FDX1: variants seen among roughly 807,000 people sequenced by gnomAD.
FDX1 encodes ferredoxin 1, also known as adrenodoxin, mitochondrial.
In FDX1, 9 loss-of-function variants were observed where a neutral mutation model predicts 14.9. The observed-to-expected ratio is 0.60, with a 90% confidence interval of 0.36 to 1.05. FDX1 has a LOEUF of 1.05. FDX1 is among the 50% of genes least tolerant of loss of function. The probability of loss-of-function intolerance (pLI) is 0.01; values close to 1 mark genes in which losing one functional copy is unlikely to be tolerated. For synonymous variants in FDX1, 92 were observed against 99.4 expected, an observed-to-expected ratio of 0.93 and a Z score of 0.44; for missense variants, 204 against 237.2, an observed-to-expected ratio of 0.86 and a Z score of 0.92.
Position 110,430,089 on chromosome 11 carries a change from G to A in FDX1, c.-32G>A. ...CTCTCGCGGCCTCAAAGCGCGGCCT[G>A]CGTCGCTTCCGGCAGTTCCCGACCG... On this transcript the variant is annotated 5_prime_UTR_variant, in exon 1 of 4. Transcript: ENST00000260270. The A allele has an allele frequency of 8.2e-7, 1 of 1,216,318 alleles. No homozygotes were observed. The highest frequency in any genetic ancestry group is 1.0e-6 in the Non-Finnish European group (1 of 977,828). 75.3% of individuals were successfully genotyped at this position (1,216,318 alleles called of 1,614,324 possible).
At chr11:110,447,862 A>G (rs1310995049) in intron 2 of FDX1, among the ~76,000 whole-genome samples, 7 of 152,142 alleles carry the variant, frequency 4.6e-5, no homozygotes, top group Non-Finnish European at 8.8e-5. Context: ...AGTATTTGTC[A>G]CAGTTTAGTA....
chr11:110,437,684 G>A (rs1473698276), intron 2 of FDX1, among the ~76,000 whole-genome samples: 3 of 152,186 alleles, frequency 2.0e-5, no homozygotes, highest in Non-Finnish European at 4.4e-5. Flanking sequence ...TACATGTGCA[G>A]GTTTGTTAAA....
chr11:110,434,946 G>A (rs545668442), intron 1 of FDX1, among the ~76,000 whole-genome samples: 1 of 151,774 alleles, frequency 6.6e-6, no homozygotes, highest in African/African-American at 2.4e-5. Context: ...GTAGCAATAG[G>A]GTCTCTCTGT....
chr11:110,453,519 G>A (rs1293911589), intron 2 of FDX1, among the ~76,000 whole-genome samples: 1 of 148,822 alleles, frequency 6.7e-6, no homozygotes, highest in African/African-American at 2.5e-5. Context: ...ACAGTTTTAG[G>A]CTCTTTTTTA....
intron 1 of FDX1, 86 bp downstream of exon 1, chr11:110,430,391 C>G (rs1946322548): frequency 1.1e-6 from 1 of 938,776 alleles, no homozygotes. Context: ...GTCTCTGGTT[C>G]CAGTGCCTTC....
intron 2 of FDX1, among the ~76,000 whole-genome samples, chr11:110,444,180 G>A (rs1946423216): frequency 6.6e-6 from 1 of 151,992 alleles, no homozygotes; most frequent in Admixed American, 6.6e-5. Context: ...CTTTTTTATA[G>A]TTTGAGGTCT....
intron 2 of FDX1, among the ~76,000 whole-genome samples, chr11:110,437,136 C>T (rs1342574452): frequency 6.6e-6 from 1 of 152,118 alleles, no homozygotes; most frequent in East Asian, 1.9e-4. Context: ...GCTGGGACTG[C>T]AGGTGCACCA....
chr11:110,431,887 C>T (rs1366997166), intron 1 of FDX1, among the ~76,000 whole-genome samples: 2 of 152,142 alleles, frequency 1.3e-5, no homozygotes, highest in East Asian at 3.8e-4. Flanking sequence ...ACTGGATTTT[C>T]CAGTTCTTAC....
intron 2 of FDX1, among the ~76,000 whole-genome samples, chr11:110,439,968 G>A (rs965043690): frequency 1.3e-5 from 2 of 152,056 alleles, no homozygotes; most frequent in African/African-American, 4.8e-5. Flanking sequence ...TTGACTTTGT[G>A]AAAGATCAGA....
chr11:110,444,693 T>TATATATATAC (rs1946432807), intron 2 of FDX1, among the ~76,000 whole-genome samples: 6 of 80,178 alleles, frequency 7.5e-5, no homozygotes, highest in African/African-American at 3.8e-4. Context: ...TACACGTATA[T>TATATATATAC]ATATATATAT....
At chr11:110,458,363 T>G (rs1009894226) in intron 3 of FDX1, among the ~76,000 whole-genome samples, 1 of 152,202 alleles carries the variant, frequency 6.6e-6, no homozygotes, top group Non-Finnish European at 1.5e-5. Flanking sequence ...TATTCTTAAG[T>G]ACACAGCATT....
chr11:110,438,513 C>T (rs370210180), intron 2 of FDX1, among the ~76,000 whole-genome samples: 8 of 152,106 alleles, frequency 5.3e-5, no homozygotes, highest in African/African-American at 1.9e-4. Flanking sequence ...GCAACCTTCG[C>T]CTCCCAAGTT....
chr11:110,448,274 A>G (rs1282248172), intron 2 of FDX1, among the ~76,000 whole-genome samples: 2 of 152,198 alleles, frequency 1.3e-5, no homozygotes, highest in East Asian at 3.8e-4. Context: ...TATTCCCCTC[A>G]TGCTTGAGTC....
rs1946562819 is a variant in FDX1 at position 110,462,532 on chromosome 11, G to C, written c.*64G>C. 1 of 928,292 alleles carries C rather than the reference G, an allele frequency of 1.1e-6. No individual in the cohort carries two copies. Among genetic ancestry groups the C allele is most frequent in the East Asian group, 2.7e-5 (1 of 37,612 alleles). The allele number at this position is 928,292 out of a possible 1,614,324, so 57.5% of individuals were successfully genotyped here. ...ATTTTTATAATTATTATTTCTTAAA[G>C]TGATTAAATGAGAACATGGATGAGT... On this transcript the variant is annotated 3_prime_UTR_variant, in exon 4 of 4. Coordinates refer to ENST00000260270, the MANE Select transcript of FDX1 (RefSeq NM_004109.5).
intron 3 of FDX1, among the ~76,000 whole-genome samples, chr11:110,461,616 A>G (rs535432305): frequency 6.6e-6 from 1 of 150,906 alleles, no homozygotes; most frequent in South Asian, 2.1e-4. Context: ...TTCCAAATTT[A>G]CACCCTGCTT....
chr11:110,444,575 C>T (rs1276114906), intron 2 of FDX1, among the ~76,000 whole-genome samples: 1 of 148,412 alleles, frequency 6.7e-6, no homozygotes, highest in African/African-American at 2.5e-5. Flanking sequence ...GAGATTGTGC[C>T]TCTGTACTCC....
At chr11:110,437,748 G>A (rs1946379708) in intron 2 of FDX1, among the ~76,000 whole-genome samples, 1 of 152,130 alleles carries the variant, frequency 6.6e-6, no homozygotes, top group Non-Finnish European at 1.5e-5. Flanking sequence ...TGTCACCTAG[G>A]CAGTAGGCTT....
At chr11:110,444,644 G>GTATATATATA (rs1565381658) in intron 2 of FDX1, among the ~76,000 whole-genome samples, 22 of 87,752 alleles carry the variant, frequency 2.5e-4, no homozygotes, top group African/African-American at 1.2e-3. Flanking sequence ...GTGTGTGTGT[G>GTATATATATA]TGTGTGTATA....
intron 2 of FDX1, among the ~76,000 whole-genome samples, chr11:110,443,438 CTTTTTTTTTT>C (rs1204500783): frequency 7.5e-6 from 1 of 132,452 alleles, no homozygotes; most frequent in Admixed American, 7.7e-5. Context: ...TAATAATATC[CTTTTTTTTTT>C]TTTTTTTTTG....
Sources: gnomAD v4.1 joint callset for allele counts (sites outside exome capture counted in the v4.1 genomes callset) on GRCh38, gnomAD v4.1.1 for gene constraint, MANE v1.5 for transcripts, NCBI Gene and HGNC (gene_info 2026-07-23, HGNC 2026-07-21) for gene names.